RAI2: variants seen among roughly 807,000 people sequenced by gnomAD.
RAI2 encodes the protein retinoic acid induced 2.
RAI2 carries 5 observed loss-of-function variants against 15.3 expected under a neutral mutation model. The ratio of observed to expected loss-of-function variants is 0.33; its 90% CI spans 0.17 to 0.69. The LOEUF (loss-of-function observed/expected upper bound fraction) is 0.69. RAI2 is among the 30% of genes least tolerant of loss of function. The pLI, the probability that RAI2 is intolerant of heterozygous loss-of-function variation, is 0.69. For synonymous variants in RAI2, 191 were observed against 184.0 expected (o/e 1.04, Z -0.31); for missense variants, 424 against 424.7 (o/e 1.00, Z 0.01).
chrX:17,827,717 G>A (rs750893237), intron 1 of RAI2, among the ~76,000 whole-genome samples: 1 of 112,133 alleles, frequency 8.9e-6, no homozygotes, highest in Non-Finnish European at 1.9e-5. Flanking sequence ...ACCAAGAACA[G>A]GTGGGTGGGA....
intron 1 of RAI2, among the ~76,000 whole-genome samples, chrX:17,853,559 G>A (rs1286583127): frequency 9.0e-6 from 1 of 110,971 alleles, no homozygotes; most frequent in African/African-American, 3.3e-5. Flanking sequence ...TAAGGTGCAT[G>A]GGACAGTCCC....
rs140331675 is a variant in RAI2 at position 17,810,783 on chromosome X, G to A, written c.-24-8749C>T. Among the ~76,000 whole-genome samples, 1,121 of 112,713 alleles carry A rather than the reference G, an allele frequency of 9.9e-3. 16 individuals are homozygous for A. Among genetic ancestry groups the A allele is most frequent in the African/African-American group, 0.034 (1,059 of 31,056 alleles). On this transcript the variant is annotated intron_variant, in intron 1 of 1. Coordinates refer to ENST00000451717, the MANE Select transcript of RAI2 (RefSeq NM_021785.6). ...CTATGATGGGTTTGGGGGCCCACAC[G>A]GGCCTGACTGCAGGGCTACAGTATG...
intron 1 of RAI2, among the ~76,000 whole-genome samples, chrX:17,852,863 C>T (rs2067552537): frequency 1.8e-5 from 2 of 111,486 alleles, no homozygotes; most frequent in South Asian, 3.8e-4. Flanking sequence ...ATCCATCTAC[C>T]GAGAAAGTAC....
chrX:17,850,461 T>G (rs1204778883), intron 1 of RAI2, among the ~76,000 whole-genome samples: 1 of 112,643 alleles, frequency 8.9e-6, no homozygotes. Context: ...GGCTGCACGC[T>G]TGTGCGTTCA....
Position 17,829,273 on chromosome X carries a change from T to C in RAI2, c.-24-27239A>G, listed in dbSNP as rs1189244594. Among the ~76,000 whole-genome samples, 3 of 89,736 alleles carry C rather than the reference T, an allele frequency of 3.3e-5. No individual in the cohort carries two copies. In the Admixed American group the frequency reaches 3.9e-4, roughly 12 times the overall value. 77.9% of individuals were successfully genotyped at this position (89,736 alleles called of 115,157 possible). On this transcript the variant is annotated intron_variant, in intron 1 of 1. Transcript: ENST00000451717. The stretch of plus-strand genomic sequence containing the variant: ...TGAGATGTGATTTCATGGCCATCTG[T>C]ATGGAAAAAAAAAAAAAAAAAAAAA...
At chrX:17,815,189 G>A (rs1409124047) in intron 1 of RAI2, among the ~76,000 whole-genome samples, 3 of 111,841 alleles carry the variant, frequency 2.7e-5, no homozygotes. Context: ...ATACGAAGTT[G>A]GGGTGGGGGA....
rs763155138 is a variant in RAI2, at chrX:17,800,489, C to G, written c.1522G>C (p.Val508Leu). Residue 508 changes from valine (V) to leucine (L), a missense_variant, in exon 2 of 2, where the codon GTG becomes CTG. By Grantham distance (32) the Val-to-Leu change is conservative (BLOSUM62 1). Coordinates refer to ENST00000451717, the MANE Select transcript of RAI2 (RefSeq NM_021785.6). The stretch of plus-strand genomic sequence containing the variant: ...AGCATGTGTATTTCCTGGGAGTTCA[C>G]TTTCTTTAACTTTATGCTCCGGTTT... ...IKNRSIKLKK[V>L]NSQEIHMLPI... 2.5e-6 allele frequency: 3 copies of G among 1,210,797 alleles called. No homozygotes were observed. The highest frequency in any genetic ancestry group is 3.4e-6 in the Non-Finnish European group (3 of 895,280).
chrX:17,810,510 C>G (rs1158549448), intron 1 of RAI2, among the ~76,000 whole-genome samples: 9 of 112,671 alleles, frequency 8.0e-5, no homozygotes, highest in Non-Finnish European at 5.6e-5. Context: ...TTTTATACAT[C>G]TGGGACTCAG....
intron 1 of RAI2, among the ~76,000 whole-genome samples, chrX:17,850,944 T>C (rs1229085733): frequency 8.9e-6 from 1 of 112,943 alleles, no homozygotes; most frequent in Non-Finnish European, 1.9e-5. Flanking sequence ...CATTTTCACT[T>C]TTCTTCCACT....
intron 1 of RAI2, among the ~76,000 whole-genome samples, chrX:17,808,695 T>C (rs192071823): frequency 3.3e-4 from 36 of 109,445 alleles, no homozygotes; most frequent in African/African-American, 1.1e-3. Context: ...GAGATGGCTC[T>C]CCCTCTTGCA....
chrX:17,831,317 G>C (rs1361813214), intron 1 of RAI2, among the ~76,000 whole-genome samples: 1 of 111,688 alleles, frequency 9.0e-6, no homozygotes. Context: ...GGGCCTTTCA[G>C]CTCTTACAAC....
At position 17,801,525 on chromosome X, in the gene RAI2, G is replaced by A. The variant is rs376618688; in HGVS notation, c.486C>T (p.Pro162=). The change falls in exon 2 of 2, where the codon CCC becomes CCT. Residue 162 remains proline (P), a synonymous_variant. Coordinates refer to ENST00000451717, the MANE Select transcript of RAI2 (RefSeq NM_021785.6). ...HNNLFQGAED[P]EAQPQLLDLR... is the part of the protein sequence containing the mutation. Reference sequence around the variant, plus strand: ...GGTCCAGGAGCTGGGGCTGGGCCTCGGGGTCCTCCGCTCCCTGGAAGAGGT... The same window carrying A: ...GGTCCAGGAGCTGGGGCTGGGCCTCAGGGTCCTCCGCTCCCTGGAAGAGGT... 33 of 1,198,126 alleles carry A rather than the reference G, an allele frequency of 2.8e-5. No individual in the cohort carries two copies. The African/African-American group carries it at 2.8e-4, about 10-fold the overall frequency.
chrX:17,841,556 T>C (rs1175451089), intron 1 of RAI2, among the ~76,000 whole-genome samples: 1 of 112,725 alleles, frequency 8.9e-6, no homozygotes, highest in Non-Finnish European at 1.9e-5. Flanking sequence ...AGAAAGTCCA[T>C]GTGTGTGGTC....
At chrX:17,809,007 T>C (rs1267314390) in intron 1 of RAI2, among the ~76,000 whole-genome samples, 1 of 112,495 alleles carries the variant, frequency 8.9e-6, no homozygotes, top group Non-Finnish European at 1.9e-5. Flanking sequence ...TAATTGTCAA[T>C]TACTTGCCCC....
intron 1 of RAI2, among the ~76,000 whole-genome samples, chrX:17,848,305 A>G (rs1458833748): frequency 2.1e-4 from 23 of 109,027 alleles, no homozygotes; most frequent in Non-Finnish European, 3.8e-4. Flanking sequence ...AAAAAAAAAA[A>G]GGGTAGGGGA....
In RAI2 at chrX:17,831,552, C is replaced by A. The variant is rs12007880; in HGVS notation, c.-24-29518G>T. Among the ~76,000 whole-genome samples the A allele has an allele frequency of 2.3e-3, 254 of 111,816 alleles. 2 individuals carry two copies. Among genetic ancestry groups the A allele is most frequent in the African/African-American group, 6.9e-3 (213 of 30,698 alleles). ...TGAATTATTAACCCCAGAACATCAT[C>A]TTCACCCCTCTCCCCATTTTATCTA... On this transcript the variant is annotated intron_variant, in intron 1 of 1. Transcript: ENST00000451717.
At chrX:17,824,614 C>G (rs756650407) in intron 1 of RAI2, among the ~76,000 whole-genome samples, 4 of 111,583 alleles carry the variant, frequency 3.6e-5, no homozygotes, top group Non-Finnish European at 7.5e-5. Flanking sequence ...GAGCAGCCCC[C>G]CTAGGATGAG....
intron 1 of RAI2, among the ~76,000 whole-genome samples, chrX:17,828,746 T>A (rs141651163): frequency 0.012 from 1,276 of 110,829 alleles, 19 homozygotes; most frequent in African/African-American, 0.039. Context: ...TGGGAGCGAG[T>A]GGGGGAATTA....
At position 17,800,141 on chromosome X, in the gene RAI2, T is replaced by C. The variant is rs2066883751; in HGVS notation, c.*277A>G. 1 of 286,524 alleles carries C rather than the reference T, an allele frequency of 3.5e-6. No homozygotes were observed. Among genetic ancestry groups the C allele is most frequent in the East Asian group, 5.6e-5 (1 of 17,843 alleles). 23.6% of individuals were successfully genotyped at this position (286,524 alleles called of 1,213,427 possible). ...CACTTTGTGGCAATGAAAATAGCTT[T>C]TTTTACCCCTCTAATTCACCCAATA... On this transcript the variant is annotated 3_prime_UTR_variant, in exon 2 of 2. Transcript: ENST00000451717.
Sources: allele counts gnomAD v4.1 joint callset (sites outside exome capture counted in the v4.1 genomes callset), GRCh38; gene constraint gnomAD v4.1.1; transcripts MANE v1.5; gene names NCBI Gene and HGNC (gene_info 2026-07-23, HGNC 2026-07-21).